CA10: variants seen among roughly 807,000 people sequenced by gnomAD.
CA10 encodes the protein carbonic anhydrase 10 (inactive).
A neutral mutation model predicts 44.2 loss-of-function variants in CA10; 14 were observed. The ratio of observed to expected loss-of-function variants is 0.32; its 90% CI spans 0.21 to 0.50. The LOEUF is 0.50. Ranked by LOEUF, CA10 falls within the 20% of genes least tolerant of loss-of-function variation. CA10 has a pLI of 0.99. For synonymous variants in CA10, 159 were observed against 141.6 expected, an observed-to-expected ratio of 1.12 and a Z score of -0.87; for missense variants, 350 against 409.7, an observed-to-expected ratio of 0.85 and a Z score of 1.26.
chr17:51,976,600 G>C (rs1380460264), intron 2 of CA10, among the ~76,000 whole-genome samples: 3 of 126,562 alleles, frequency 2.4e-5, no homozygotes, highest in Non-Finnish European at 3.6e-5. Context: ...TGCAGTTAAA[G>C]CAGTTCGTCT....
chr17:51,642,566 T>C (rs1038223312), intron 6 of CA10, among the ~76,000 whole-genome samples: 2 of 152,186 alleles, frequency 1.3e-5, no homozygotes, highest in African/African-American at 4.8e-5. Flanking sequence ...ATCTGAAAGC[T>C]CTCCTCCAGA....
At chr17:52,009,097 A>G (rs567046580) in intron 2 of CA10, among the ~76,000 whole-genome samples, 1 of 152,058 alleles carries the variant, frequency 6.6e-6, no homozygotes, top group East Asian at 2.0e-4. Flanking sequence ...TAAAGACACT[A>G]CAAGTCTAAA....
intron 4 of CA10, among the ~76,000 whole-genome samples, chr17:51,696,810 T>C (rs2045094412): frequency 6.6e-6 from 1 of 152,190 alleles, no homozygotes; most frequent in South Asian, 2.1e-4. Flanking sequence ...TTCAATGAAT[T>C]GTTGGACCTC....
In CA10 at chr17:51,845,443, C is replaced by T. The variant is rs185507014; in HGVS notation, c.279+85547G>A. Among the ~76,000 whole-genome samples, 47 of 152,280 alleles carry T rather than the reference C, an allele frequency of 3.1e-4. No individual in the cohort carries two copies. The East Asian group carries it at 8.9e-3, about 29-fold the overall frequency. The stretch of plus-strand genomic sequence containing the variant: ...TGAGTGAGCCATCTTGAAAGTAGAC[C>T]TTACTTTTGTGGAACCTTGAGCCAG... On this transcript the variant is annotated intron_variant, in intron 3 of 8. Transcript: ENST00000451037.
chr17:51,920,932 C>T (rs1447152077), intron 3 of CA10, among the ~76,000 whole-genome samples: 1 of 152,184 alleles, frequency 6.6e-6, no homozygotes, highest in East Asian at 1.9e-4. Flanking sequence ...TTATAACATT[C>T]ATTTTGCTCT....
At chr17:51,918,987 A>G (rs114002874) in intron 3 of CA10, among the ~76,000 whole-genome samples, 341 of 152,296 alleles carry the variant, frequency 2.2e-3, no homozygotes, top group African/African-American at 7.7e-3. Context: ...AGCTGCTCAG[A>G]TGTTCAACTG....
intron 2 of CA10, among the ~76,000 whole-genome samples, chr17:51,939,046 A>G (rs139528140): frequency 2.7e-4 from 41 of 152,244 alleles, no homozygotes; most frequent in African/African-American, 8.9e-4. Context: ...TTCCAGTAAC[A>G]TCCTGAGGAA....
rs564651502 is a variant in CA10, at chr17:51,736,086, A to G, written c.465+11547T>C. ...TTTTTTGTATGCAAACCATACCTCAACAAAACTGGGGGAAACCACCCTGTA... is the reference window on the plus strand; with the variant it reads ...TTTTTTGTATGCAAACCATACCTCAGCAAAACTGGGGGAAACCACCCTGTA... On this transcript the variant is annotated intron_variant, in intron 4 of 8. Coordinates refer to ENST00000451037, the MANE Select transcript of CA10 (RefSeq NM_020178.5). 3.0e-3 allele frequency among the ~76,000 whole-genome samples: 452 copies of G among 152,330 alleles called. 2 individuals are homozygous for G. The highest frequency in any genetic ancestry group is 1.0e-2 in the African/African-American group (415 of 41,574).
intron 2 of CA10, among the ~76,000 whole-genome samples, chr17:51,952,618 CA>C (rs1232362610): frequency 6.6e-6 from 1 of 151,810 alleles, no homozygotes; most frequent in African/African-American, 2.4e-5. Flanking sequence ...TTAACCACAA[CA>C]AATGGTAAAA....
chr17:51,646,163 C>T (rs1205575992), intron 6 of CA10, among the ~76,000 whole-genome samples: 1 of 152,168 alleles, frequency 6.6e-6, no homozygotes, highest in East Asian at 1.9e-4. Flanking sequence ...ACTGATACAG[C>T]CATTAAATGT....
chr17:51,976,310 T>C (rs1984459994), intron 2 of CA10, among the ~76,000 whole-genome samples: 2 of 152,156 alleles, frequency 1.3e-5, no homozygotes, highest in South Asian at 2.1e-4. Context: ...CTTGACCTAA[T>C]TAAAACATTA....
chr17:51,973,379 G>A (rs1024463154), intron 2 of CA10, among the ~76,000 whole-genome samples: 4 of 152,198 alleles, frequency 2.6e-5, no homozygotes, highest in South Asian at 2.1e-4. Flanking sequence ...GCAGGGAAGA[G>A]GACAGGAGGA....
At chr17:51,857,293 T>G (rs1979090564) in intron 3 of CA10, among the ~76,000 whole-genome samples, 1 of 152,156 alleles carries the variant, frequency 6.6e-6, no homozygotes, top group Non-Finnish European at 1.5e-5. Context: ...TTCTGAGAAG[T>G]GACATAATCT....
intron 4 of CA10, among the ~76,000 whole-genome samples, chr17:51,729,258 TCTC>T (rs1916630700): frequency 6.6e-6 from 1 of 152,296 alleles, no homozygotes; most frequent in African/African-American, 2.4e-5. Context: ...GAGAAACTGT[TCTC>T]CTTTTTACGC....
At chr17:52,044,326 C>G (rs1333388534) in intron 2 of CA10, among the ~76,000 whole-genome samples, 1 of 151,992 alleles carries the variant, frequency 6.6e-6, no homozygotes, top group African/African-American at 2.4e-5. Context: ...TTATTTAAGA[C>G]AGGGTCTCCC....
intron 1 of CA10, among the ~76,000 whole-genome samples, chr17:52,118,651 G>T (rs538257137): frequency 1.4e-4 from 21 of 152,070 alleles, no homozygotes; most frequent in African/African-American, 4.3e-4. Context: ...ATAATTTAGG[G>T]AATAATATTA....
At position 51,896,232 on chromosome 17, in the gene CA10, A is replaced by G. The variant is rs377126204; in HGVS notation, c.279+34758T>C. On this transcript the variant is annotated intron_variant, in intron 3 of 8. Coordinates refer to ENST00000451037, the MANE Select transcript of CA10 (RefSeq NM_020178.5). Reference sequence around the variant, plus strand: ...CCCGGCAGGTAGTTTTCCAGTCCTCATCTTCCTGTCCCCCTCTACCCTCAA... The same window carrying G: ...CCCGGCAGGTAGTTTTCCAGTCCTCGTCTTCCTGTCCCCCTCTACCCTCAA... 4.4e-4 allele frequency among the ~76,000 whole-genome samples: 67 copies of G among 152,136 alleles called. No homozygotes were observed. The South Asian group carries it at 0.012, about 27-fold the overall frequency.
chr17:52,157,162 G>A (rs547534812), intron 1 of CA10, among the ~76,000 whole-genome samples: 4 of 151,802 alleles, frequency 2.6e-5, no homozygotes, highest in Non-Finnish European at 5.9e-5. Flanking sequence ...CAAGAAAATT[G>A]GGGGGGTAGA....
chr17:51,847,923 C>A (rs1978569380), intron 3 of CA10, among the ~76,000 whole-genome samples: 1 of 152,154 alleles, frequency 6.6e-6, no homozygotes, highest in Middle Eastern at 3.2e-3. Context: ...CCAGACGAGA[C>A]CTTTTGGGGA....
Sources: gnomAD v4.1 joint callset for allele counts (sites outside exome capture counted in the v4.1 genomes callset) on GRCh38, gnomAD v4.1.1 for gene constraint, MANE v1.5 for transcripts, NCBI Gene and HGNC (gene_info 2026-07-23, HGNC 2026-07-21) for gene names.